Variants in GBE1 observed in about 807,000 individuals in gnomAD.
GBE1 encodes the protein 1,4-alpha-glucan branching enzyme 1.
Under a neutral mutation model 88.8 loss-of-function variants are expected in GBE1, and 70 were observed. The observed-to-expected ratio is 0.79, with a 90% CI of 0.65 to 0.96. The LOEUF is 0.96. Among genes scored for constraint, GBE1 ranks in the 40% least tolerant of loss-of-function variants. GBE1 has a pLI of 0.00. For synonymous variants in GBE1, 284 were observed against 300.1 expected (o/e 0.95, Z 0.56); for missense variants, 872 against 871.0 (o/e 1.00, Z -0.01).
chr3:81,642,621 T>G, intron 7 of GBE1, 160 bp downstream of exon 7: 1 of 584,902 alleles, frequency 1.7e-6, no homozygotes. Flanking sequence ...ATACATGTGC[T>G]ATACAAAACA....
chr3:81,605,326 T>G (rs999940337), intron 7 of GBE1, among the ~76,000 whole-genome samples: 1 of 152,178 alleles, frequency 6.6e-6, no homozygotes, highest in Non-Finnish European at 1.5e-5. Flanking sequence ...ATATATAATT[T>G]ATAATATCCG....
At chr3:81,730,606 T>C (rs1394388680) in intron 1 of GBE1, among the ~76,000 whole-genome samples, 1 of 152,080 alleles carries the variant, frequency 6.6e-6, no homozygotes, top group Non-Finnish European at 1.5e-5. Context: ...AAAAAGCAAA[T>C]TGGGTGGCAG....
At chr3:81,702,100 A>AGTGT (rs753389984) in intron 2 of GBE1, among the ~76,000 whole-genome samples, 22 of 76,282 alleles carry the variant, frequency 2.9e-4, no homozygotes, top group Admixed American at 1.3e-3. Flanking sequence ...AGAGAGAGAG[A>AGTGT]GAGTGTGTGT....
chr3:81,654,049 T>G (rs1213383901), intron 3 of GBE1, among the ~76,000 whole-genome samples: 1 of 152,066 alleles, frequency 6.6e-6, no homozygotes, highest in African/African-American at 2.4e-5. Context: ...ATATATCAAA[T>G]TACTTGAAAG....
At position 81,748,118 on chromosome 3, in the gene GBE1, C is replaced by A. The variant is rs577885408; in HGVS notation, c.143+13257G>T. On this transcript the variant is annotated intron_variant, in intron 1 of 15. Transcript: ENST00000429644. ...CTGGACAACAGGGCAAGACTCATCT[C>A]AAAAAACAAAAACCGGCAAGTGAAA... is the stretch of plus-strand genomic sequence containing the variant. 2.0e-5 allele frequency among the ~76,000 whole-genome samples: 3 copies of A among 151,002 alleles called. No homozygotes were observed. In the East Asian group the frequency reaches 5.9e-4, roughly 30 times the overall value.
chr3:81,694,773 C>T (rs188595208), intron 2 of GBE1, among the ~76,000 whole-genome samples: 11 of 152,296 alleles, frequency 7.2e-5, no homozygotes, highest in Non-Finnish European at 1.3e-4. Flanking sequence ...TTCTACCCTG[C>T]CCTAACTCTG....
At chr3:81,653,511 A>C (rs968291966) in intron 3 of GBE1, among the ~76,000 whole-genome samples, 1 of 152,054 alleles carries the variant, frequency 6.6e-6, no homozygotes, top group East Asian at 1.9e-4. Context: ...GCTAAAAGAA[A>C]AAAGTAACTT....
At chr3:81,633,828 C>T (rs1317095850) in intron 7 of GBE1, among the ~76,000 whole-genome samples, 3 of 152,146 alleles carry the variant, frequency 2.0e-5, no homozygotes, top group African/African-American at 4.8e-5. Flanking sequence ...TTGCGTGTCT[C>T]CTAAGGCACA....
Position 81,761,633 on chromosome 3 carries a change from T to C in GBE1, c.-116A>G, listed in dbSNP as rs982037647. On this transcript the variant is annotated 5_prime_UTR_variant, in exon 1 of 16. Transcript: ENST00000429644. ...CGGAGCCGGAGGGCGCCTAGGCGTG[T>C]CGAGGCAAGCCGAGGCGAGCCGCGG... 5.2e-6 allele frequency: 7 copies of C among 1,341,654 alleles called. No homozygotes were observed. The highest frequency in any genetic ancestry group is 7.0e-6 in the Non-Finnish European group (7 of 1,001,386). 83.1% of individuals were successfully genotyped at this position (1,341,654 alleles called of 1,614,324 possible).
chr3:81,636,882 T>C (rs1339599008), intron 7 of GBE1, among the ~76,000 whole-genome samples: 1 of 152,158 alleles, frequency 6.6e-6, no homozygotes, highest in Admixed American at 6.6e-5. Context: ...TCTAAAATGA[T>C]GCTATATTAC....
chr3:81,583,599 T>A, intron 10 of GBE1, among the ~76,000 whole-genome samples: 1 of 152,094 alleles, frequency 6.6e-6, no homozygotes, highest in East Asian at 1.9e-4. Context: ...GAGGTTTTCT[T>A]GGATAAATCT....
At chr3:81,739,005 T>C (rs1362412251) in intron 1 of GBE1, among the ~76,000 whole-genome samples, 1 of 152,142 alleles carries the variant, frequency 6.6e-6, no homozygotes, top group African/African-American at 2.4e-5. Context: ...CATAGTTTCA[T>C]AGTTGGTGCC....
At chr3:81,634,818 G>GGAAAAGTTCCACATTTTCCA (rs1704569879) in intron 7 of GBE1, among the ~76,000 whole-genome samples, 2 of 152,122 alleles carry the variant, frequency 1.3e-5, no homozygotes, top group African/African-American at 2.4e-5. Context: ...AGAAAAGTTA[G>GGAAAAGTTCCACATTTTCCA]TGAAGGAACA....
intron 6 of GBE1, among the ~76,000 whole-genome samples, chr3:81,644,697 T>G (rs1468459540): frequency 6.6e-6 from 1 of 152,080 alleles, no homozygotes; most frequent in Non-Finnish European, 1.5e-5. Flanking sequence ...AAATTGACCA[T>G]TAATTGGTAG....
chr3:81,503,730 ATTACT>A (rs1702619790), intron 14 of GBE1, among the ~76,000 whole-genome samples: 1 of 152,020 alleles, frequency 6.6e-6, no homozygotes, highest in African/African-American at 2.4e-5. Context: ...TGTAGATCTG[ATTACT>A]TTACTCTCTA....
chr3:81,687,433 G>C (rs2107139312), intron 2 of GBE1, among the ~76,000 whole-genome samples: 1 of 152,254 alleles, frequency 6.6e-6, no homozygotes, highest in African/African-American at 2.4e-5. Flanking sequence ...ATATTTTTAA[G>C]AAAATGATTG....
chr3:81,712,244 C>T (rs1246093049), intron 1 of GBE1, among the ~76,000 whole-genome samples: 3 of 152,150 alleles, frequency 2.0e-5, no homozygotes, highest in Non-Finnish European at 4.4e-5. Context: ...GACAGAGTGG[C>T]GATTCCCCAA....
chr3:81,707,497 G>A (rs1576207417), intron 1 of GBE1, among the ~76,000 whole-genome samples: 1 of 151,994 alleles, frequency 6.6e-6, no homozygotes, highest in East Asian at 1.9e-4. Flanking sequence ...TATTGTAGGA[G>A]TGTGTCTAAG....
At chr3:81,739,762 T>G (rs1706320386) in intron 1 of GBE1, among the ~76,000 whole-genome samples, 1 of 152,196 alleles carries the variant, frequency 6.6e-6, no homozygotes, top group South Asian at 2.1e-4. Context: ...AATTTTACCT[T>G]GGCTTATCAT....
Sources: gnomAD v4.1 joint callset for allele counts (sites outside exome capture counted in the v4.1 genomes callset) on GRCh38, gnomAD v4.1.1 for gene constraint, MANE v1.5 for transcripts, NCBI Gene and HGNC (gene_info 2026-07-23, HGNC 2026-07-21) for gene names.